The following CIT variants were observed in gnomAD, a reference collection of about 807,000 sequenced individuals.
CIT encodes citron Rho-interacting kinase.
CIT carries 79 observed loss-of-function variants against 272.7 expected under a neutral mutation model. The observed-to-expected ratio is 0.29, with a 90% CI of 0.24 to 0.35. The LOEUF is 0.35. Among genes scored for constraint, CIT ranks in the 10% least tolerant of loss-of-function variants. The probability of loss-of-function intolerance (pLI) is 1.00; values close to 1 mark genes in which losing one functional copy is unlikely to be tolerated. For synonymous variants in CIT, 948 were observed against 995.6 expected (o/e 0.95, Z 0.90); for missense variants, 1,909 against 2,618.3 (o/e 0.73, Z 5.91).
At chr12:119,786,040 ACT>A (rs1964762122) in intron 10 of CIT, among the ~76,000 whole-genome samples, 1 of 149,654 alleles carries the variant, frequency 6.7e-6, no homozygotes, top group Non-Finnish European at 1.5e-5. Flanking sequence ...ATATATTTGA[ACT>A]CTTTGTTTTT....
At chr12:119,827,894 C>A (rs1194456340) in intron 7 of CIT, among the ~76,000 whole-genome samples, 1 of 152,072 alleles carries the variant, frequency 6.6e-6, no homozygotes, top group Admixed American at 6.6e-5. Context: ...GAATACATAC[C>A]ATTTGCACTT....
chr12:119,698,831 CAT>C (rs756718558), intron 44 of CIT, among the ~76,000 whole-genome samples: 1 of 152,116 alleles, frequency 6.6e-6, no homozygotes, highest in Non-Finnish European at 1.5e-5. Flanking sequence ...ACAAGAAACT[CAT>C]ATGAGCTTTT....
chr12:119,793,351 T>C (rs777822487), intron 10 of CIT, among the ~76,000 whole-genome samples: 7 of 152,208 alleles, frequency 4.6e-5, no homozygotes, highest in Non-Finnish European at 8.8e-5. Context: ...ACTTTGCAGG[T>C]TAATTTCATT....
chr12:119,767,292 C>T (rs1962561427), intron 18 of CIT, 110 bp from the exon 19 acceptor site: 1 of 728,726 alleles, frequency 1.4e-6, no homozygotes, highest in African/African-American at 1.8e-5. Flanking sequence ...AGGTAACGGT[C>T]ATCTGGTCCT....
At chr12:119,870,068 T>C (rs920957539) in intron 2 of CIT, among the ~76,000 whole-genome samples, 10 of 152,154 alleles carry the variant, frequency 6.6e-5, no homozygotes, top group Non-Finnish European at 1.0e-4. Context: ...AAGCCATGGA[T>C]AGTGGTGGTC....
chr12:119,761,992 G>C (rs1386857421), intron 19 of CIT, among the ~76,000 whole-genome samples: 1 of 152,192 alleles, frequency 6.6e-6, no homozygotes, highest in Non-Finnish European at 1.5e-5. Context: ...CACCACAGAG[G>C]CTCCATTCGA....
rs1051680394 is a variant in CIT at position 119,784,345 on chromosome 12, G to A, written c.1402-294C>T. The A allele has an allele frequency of 7.4e-7, 1 of 1,359,276 alleles. No homozygotes were observed. Among genetic ancestry groups the A allele is most frequent in the African/African-American group, 1.5e-5 (1 of 67,776 alleles). 84.2% of individuals were successfully genotyped at this position (1,359,276 alleles called of 1,614,324 possible). ...CATCATTTTTCACCTGTTTGCTTTTGTTTTTGTTTTGTTTTTGCAGACGTC... is the reference window on the plus strand; with the variant it reads ...CATCATTTTTCACCTGTTTGCTTTTATTTTTGTTTTGTTTTTGCAGACGTC... On this transcript the variant is annotated intron_variant, in intron 11 of 47. Transcript: ENST00000392521. This position sits in a 1 kb window ranked among gnomAD's most constrained non-coding sequence, Gnocchi z 4.7.
Position 119,710,698 on chromosome 12 carries a change from C to T in CIT, c.4855-78G>A. ...TTTATGACCAAACCATCCAGAGAAA[C>T]CAAGAGAAGGTTAAGGCCAAGTTAT... On this transcript the variant is annotated intron_variant, in intron 37 of 47. Coordinates refer to ENST00000392521, the MANE Select transcript of CIT (RefSeq NM_001206999.2). The surrounding 1 kb of genome is among the most constrained non-coding windows in gnomAD (Gnocchi z 5.6). 1.4e-6 allele frequency: 2 copies of T among 1,383,922 alleles called. No individual in the cohort carries two copies. Among genetic ancestry groups the T allele is most frequent in the East Asian group, 2.3e-5 (1 of 43,806 alleles). 85.7% of individuals were successfully genotyped at this position (1,383,922 alleles called of 1,614,324 possible).
rs143223297 is a variant in CIT at position 119,775,174 on chromosome 12, G to A, written c.1941+612C>T. Among the ~76,000 whole-genome samples, 330 of 152,258 alleles carry A rather than the reference G, an allele frequency of 2.2e-3. 1 individual carries two copies. Among genetic ancestry groups the A allele is most frequent in the African/African-American group, 7.5e-3 (311 of 41,544 alleles). On this transcript the variant is annotated intron_variant, in intron 16 of 47. Coordinates refer to ENST00000392521, the MANE Select transcript of CIT (RefSeq NM_001206999.2). ...TGTAATCCCAGCTATTCAGGGGGCTGAGGCAAGAGAATCGCTTCAACCCAG... is the reference window on the plus strand; with the variant it reads ...TGTAATCCCAGCTATTCAGGGGGCTAAGGCAAGAGAATCGCTTCAACCCAG...
chr12:119,825,312 A>C lies in CIT; in HGVS notation c.810T>G (p.Thr270=). Residue 270 remains threonine (T), a synonymous_variant, in exon 8 of 48, where the codon ACT becomes ACG. Coordinates refer to ENST00000392521, the MANE Select transcript of CIT (RefSeq NM_001206999.2). The stretch of plus-strand genomic sequence containing the variant: ...TGCCTTTTCCATCCCCGTTCATCAC[A>C]GTCAGCACTTCAGGAGCCATGTAAT... ...TPDYMAPEVL[T]VMNGDGKGTY... is the part of the protein sequence containing the mutation. 6.2e-7 allele frequency: 1 copy of C among 1,614,170 alleles called. No individual in the cohort carries two copies. The highest frequency in any genetic ancestry group is 8.5e-7 in the Non-Finnish European group (1 of 1,180,032).
At chr12:119,832,122 T>C (rs996538049) in intron 7 of CIT, among the ~76,000 whole-genome samples, 6 of 152,238 alleles carry the variant, frequency 3.9e-5, no homozygotes, top group Non-Finnish European at 5.9e-5. Flanking sequence ...CTATCCTTTT[T>C]TGCGGAGTTG....
Position 119,718,952 on chromosome 12 carries a change from A to G in CIT, c.3841-91T>C. On this transcript the variant is annotated intron_variant, in intron 30 of 47. Coordinates refer to ENST00000392521, the MANE Select transcript of CIT (RefSeq NM_001206999.2). This position sits in a 1 kb window ranked among gnomAD's most constrained non-coding sequence, Gnocchi z 4.8. ...ATCTGACTCGGGAGGAGCAAACCACAAAAGCCAGGAGCATACTCACTGTAA... is the reference window on the plus strand; with the variant it reads ...ATCTGACTCGGGAGGAGCAAACCACGAAAGCCAGGAGCATACTCACTGTAA... 7.8e-7 allele frequency: 1 copy of G among 1,284,470 alleles called. No individual in the cohort carries two copies. The highest frequency in any genetic ancestry group is 1.1e-6 in the Non-Finnish European group (1 of 902,812). The allele number at this position is 1,284,470 out of a possible 1,614,324, so 79.6% of individuals were successfully genotyped here. A position where few individuals can be genotyped will look rare whatever the true frequency, so the allele number is the denominator to read the frequency against.
chr12:119,823,489 T>C (rs377535511), intron 8 of CIT, among the ~76,000 whole-genome samples: 314 of 152,284 alleles, frequency 2.1e-3, no homozygotes, highest in African/African-American at 7.0e-3. Context: ...GTACCTGGTA[T>C]GATAACGCAC....
At chr12:119,731,213 G>T (rs278105) in intron 26 of CIT, among the ~76,000 whole-genome samples, 1 of 152,014 alleles carries the variant, frequency 6.6e-6, no homozygotes, top group Admixed American at 6.6e-5. Flanking sequence ...AGTGGCTCAC[G>T]CCTGTAATCC....
chr12:119,835,386 A>G (rs1968922687), intron 5 of CIT, among the ~76,000 whole-genome samples: 1 of 152,188 alleles, frequency 6.6e-6, no homozygotes, highest in Admixed American at 6.5e-5. Context: ...GTCTTCACCT[A>G]CCATTCAATT....
At chr12:119,737,148 A>G (rs889384670) in intron 24 of CIT, among the ~76,000 whole-genome samples, 13 of 152,048 alleles carry the variant, frequency 8.5e-5, no homozygotes, top group African/African-American at 3.1e-4. Context: ...TCTACTAAAA[A>G]TACAAAAAAT....
At chr12:119,720,383 C>T in intron 30 of CIT, 95 bp downstream of exon 30, 1 of 830,970 alleles carries the variant, frequency 1.2e-6, no homozygotes. Flanking sequence ...TTGTTTTCTT[C>T]TATGTTCCTA....
intron 2 of CIT, among the ~76,000 whole-genome samples, chr12:119,874,434 A>G (rs1950778379): frequency 6.6e-6 from 1 of 152,306 alleles, no homozygotes; most frequent in Non-Finnish European, 1.5e-5. Flanking sequence ...TAGTGCTGGG[A>G]CTGGGATTCA....
Position 119,784,513 on chromosome 12 carries a change from A to G in CIT, c.1401+447T>C. The G allele has an allele frequency of 8.4e-7, 1 of 1,185,762 alleles. No homozygotes were observed. Among genetic ancestry groups the G allele is most frequent in the East Asian group, 6.0e-5 (1 of 16,678 alleles). The allele number at this position is 1,185,762 out of a possible 1,614,324, so 73.5% of individuals were successfully genotyped here. On this transcript the variant is annotated intron_variant, in intron 11 of 47. Transcript: ENST00000392521. The surrounding 1 kb of genome is among the most constrained non-coding windows in gnomAD (Gnocchi z 4.7). Reference sequence around the variant, plus strand: ...GGCAAGCAGTGACTTATTAGTTTCCAGAGCGTTGCCTCTGGGCAGGAACAG... The same window carrying G: ...GGCAAGCAGTGACTTATTAGTTTCCGGAGCGTTGCCTCTGGGCAGGAACAG...
Sources: gnomAD v4.1 joint callset for allele counts (sites outside exome capture counted in the v4.1 genomes callset) on GRCh38, gnomAD v4.1.1 for gene constraint, Gnocchi (gnomAD v3.1) non-coding constraint, MANE v1.5 for transcripts, NCBI Gene and HGNC (gene_info 2026-07-23, HGNC 2026-07-21) for gene names.